INVS: variants seen among roughly 807,000 people sequenced by gnomAD.
INVS encodes the protein inversin, also known as inversion of embryo turning homolog.
Under a neutral mutation model 108.8 loss-of-function variants are expected in INVS, and 86 were observed. The ratio of observed to expected loss-of-function variants is 0.79; its 90% confidence interval spans 0.66 to 0.95. The LOEUF is 0.95. INVS is among the 40% of genes least tolerant of loss of function. INVS has a pLI of 0.00. For missense variants in INVS, 1,169 were observed against 1,297.4 expected, an observed-to-expected ratio of 0.90 and a Z score of 1.52; for synonymous variants, 455 against 473.5, an observed-to-expected ratio of 0.96 and a Z score of 0.51.
At chr9:100,198,811 T>A (rs1279310250) in intron 3 of INVS, among the ~76,000 whole-genome samples, 1 of 151,846 alleles carries the variant, frequency 6.6e-6, no homozygotes, top group South Asian at 2.1e-4. Flanking sequence ...CAGGATGGTC[T>A]CAATCTCCTG....
At chr9:100,268,167 C>T (rs984388356) in intron 11 of INVS, among the ~76,000 whole-genome samples, 1 of 151,836 alleles carries the variant, frequency 6.6e-6, no homozygotes, top group Non-Finnish European at 1.5e-5. Context: ...CAGAGTAGGG[C>T]GTTCCCGAAA....
chr9:100,128,207 T>A (rs950910295), intron 3 of INVS, among the ~76,000 whole-genome samples: 5 of 152,188 alleles, frequency 3.3e-5, no homozygotes, highest in African/African-American at 1.2e-4. Flanking sequence ...TACCATGCAT[T>A]GTTTTCTTTA....
intron 3 of INVS, among the ~76,000 whole-genome samples, chr9:100,153,005 T>TTGTGTGTGTG (rs60860854): frequency 1.5e-3 from 219 of 149,264 alleles, no homozygotes; most frequent in African/African-American, 4.9e-3. Context: ...TGTTAACTAA[T>TTGTGTGTGTG]TGTGTGTGTG....
At chr9:100,233,481 A>G (rs1386709829) in intron 5 of INVS, among the ~76,000 whole-genome samples, 1 of 152,184 alleles carries the variant, frequency 6.6e-6, no homozygotes, top group Non-Finnish European at 1.5e-5. Context: ...AGTTTTGCCA[A>G]TTCATTATGA....
At chr9:100,288,366 G>T (rs1422784643) in intron 13 of INVS, among the ~76,000 whole-genome samples, 1 of 152,140 alleles carries the variant, frequency 6.6e-6, no homozygotes, top group South Asian at 2.1e-4. Context: ...TATGTCACCA[G>T]TTCAAGCTTG....
intron 3 of INVS, among the ~76,000 whole-genome samples, chr9:100,131,217 T>G (rs1459154298): frequency 6.6e-6 from 1 of 152,188 alleles, no homozygotes; most frequent in Non-Finnish European, 1.5e-5. Flanking sequence ...CTGAATCTAG[T>G]AAGTTCTGAC....
rs369929396 is a variant in INVS, at chr9:100,227,225, G to A, written c.447+990G>A. Among the ~76,000 whole-genome samples, 5 of 152,208 alleles carry A rather than the reference G, an allele frequency of 3.3e-5. No homozygotes were observed. The East Asian group carries it at 9.6e-4, about 29-fold the overall frequency. Reference sequence around the variant, plus strand: ...AATTAGTAAGTGCTATTATACTTGTGGCTTTTTAAAAATCTGCAGTTGTTA... The same window carrying A: ...AATTAGTAAGTGCTATTATACTTGTAGCTTTTTAAAAATCTGCAGTTGTTA... On this transcript the variant is annotated intron_variant, in intron 4 of 16. Coordinates refer to ENST00000262457, the MANE Select transcript of INVS (RefSeq NM_014425.5).
intron 3 of INVS, among the ~76,000 whole-genome samples, chr9:100,220,595 C>T (rs1831116296): frequency 6.6e-6 from 1 of 152,156 alleles, no homozygotes; most frequent in African/African-American, 2.4e-5. Flanking sequence ...ATCTCCTTCG[C>T]TCTTATACTA....
chr9:100,202,305 C>T (rs1311833496), intron 3 of INVS, among the ~76,000 whole-genome samples: 1 of 152,022 alleles, frequency 6.6e-6, no homozygotes, highest in Non-Finnish European at 1.5e-5. Context: ...ACTGAACCTG[C>T]CTAATACATG....
chr9:100,117,988 G>A (rs921587113), intron 2 of INVS, among the ~76,000 whole-genome samples: 1 of 151,898 alleles, frequency 6.6e-6, no homozygotes, highest in Non-Finnish European at 1.5e-5. Context: ...GATCATGCTG[G>A]CATCCTGATC....
intron 3 of INVS, among the ~76,000 whole-genome samples, chr9:100,147,763 T>G (rs1490782757): frequency 6.6e-6 from 1 of 152,236 alleles, no homozygotes; most frequent in Non-Finnish European, 1.5e-5. Flanking sequence ...ACTAGGGAAC[T>G]GTGAAAAGAA....
rs1833379298 is a variant in INVS, at chr9:100,284,587, C to CT, written c.2053dup (p.Ser685PhefsTer6). 1 of 1,613,440 alleles carries CT rather than the reference C, an allele frequency of 6.2e-7. No homozygotes were observed. The highest frequency in any genetic ancestry group is 8.5e-7 in the Non-Finnish European group (1 of 1,179,734). On this transcript the variant is annotated frameshift_variant, in exon 13 of 17. Transcript: ENST00000262457. LOFTEE classifies it high-confidence loss of function. ...TTTCCTCAGATTTGCAGGGAACAAA[C>CT]TCCAGAAGGCCAAATGGTAGGTGTA... is the stretch of plus-strand genomic sequence containing the variant.
At chr9:100,196,925 C>G (rs779159376) in intron 3 of INVS, among the ~76,000 whole-genome samples, 5 of 152,036 alleles carry the variant, frequency 3.3e-5, no homozygotes, top group Non-Finnish European at 7.4e-5. Context: ...AAAATCAACA[C>G]AGAAGACTTC....
At chr9:100,155,917 C>T (rs1052153077) in intron 3 of INVS, among the ~76,000 whole-genome samples, 1 of 152,158 alleles carries the variant, frequency 6.6e-6, no homozygotes, top group African/African-American at 2.4e-5. Context: ...ATTTATATTT[C>T]TGAATTTCAT....
chr9:100,242,600 A>G lies in INVS; in HGVS notation c.827A>G (p.Glu276Gly). 2 of 1,610,486 alleles carry G rather than the reference A, an allele frequency of 1.2e-6. No homozygotes were observed. The highest frequency in any genetic ancestry group is 8.5e-7 in the Non-Finnish European group (1 of 1,176,872). The change falls in exon 7 of 17, where the codon GAA becomes GGA. Residue 276 changes from glutamate (E) to glycine (G), a missense_variant. Physicochemically the swap from Glu to Gly is moderately conservative, Grantham distance 98. This residue lies in a region of INVS where 365 missense variants were observed against 397.5 expected (regional missense o/e 0.92). Transcript: ENST00000262457. ...GHAQIVHLLL[E>G]RNKSGTIPSD... ...GCACAGATTGTCCATCTCCTTTTAG[A>G]AAGAAATAAGTCTGGAACTATCCCA...
At chr9:100,136,933 G>A (rs143799457) in intron 3 of INVS, among the ~76,000 whole-genome samples, 2,176 of 152,112 alleles carry the variant, frequency 0.014, 44 homozygotes, top group African/African-American at 0.05. Flanking sequence ...CCAGCTGTGC[G>A]GGAGGCTGAG....
intron 3 of INVS, among the ~76,000 whole-genome samples, chr9:100,193,994 G>T (rs141660139): frequency 2.0e-5 from 3 of 152,214 alleles, no homozygotes; most frequent in East Asian, 3.9e-4. Flanking sequence ...TGAACATTTG[G>T]GTTGTTTTCT....
intron 10 of INVS, among the ~76,000 whole-genome samples, chr9:100,254,980 G>A (rs1378041489): frequency 6.6e-6 from 1 of 152,068 alleles, no homozygotes; most frequent in African/African-American, 2.4e-5. Flanking sequence ...TGATGGGGAT[G>A]GCATTGAATC....
At chr9:100,180,419 A>T (rs1365961244) in intron 3 of INVS, among the ~76,000 whole-genome samples, 2 of 152,122 alleles carry the variant, frequency 1.3e-5, no homozygotes, top group African/African-American at 4.8e-5. Context: ...AGAATAAAAT[A>T]GACACAATAA....
Sources: allele counts gnomAD v4.1 joint callset (sites outside exome capture counted in the v4.1 genomes callset), GRCh38; gene constraint gnomAD v4.1.1; regional missense constraint gnomAD v4.1.1; transcripts MANE v1.5; gene names NCBI Gene and HGNC (gene_info 2026-07-23, HGNC 2026-07-21).